The following PALS2 variants were observed in gnomAD, a reference collection of about 807,000 sequenced individuals.
PALS2 encodes protein PALS2.
A neutral mutation model predicts 61.6 loss-of-function variants in PALS2; 27 were observed. The ratio of observed to expected loss-of-function variants is 0.44; its 90% CI spans 0.32 to 0.60. The LOEUF (loss-of-function observed/expected upper bound fraction) is 0.60. PALS2 is among the 20% of genes least tolerant of loss of function. The probability of loss-of-function intolerance (pLI) is 0.05; values close to 1 mark genes in which losing one functional copy is unlikely to be tolerated. For missense variants in PALS2, 554 were observed against 639.4 expected (o/e 0.87, Z 1.44); for synonymous variants, 236 against 218.6 (o/e 1.08, Z -0.70).
chr7:24,624,270 C>A (rs1784643242), intron 2 of PALS2: 2 of 410,422 alleles, frequency 4.9e-6, no homozygotes, highest in South Asian at 3.0e-5. Flanking sequence ...CTCTTTAACT[C>A]ATTGATAAGT....
chr7:24,656,743 G>T (rs1468044360), intron 5 of PALS2, among the ~76,000 whole-genome samples: 1 of 151,876 alleles, frequency 6.6e-6, no homozygotes, highest in Non-Finnish European at 1.5e-5. Flanking sequence ...ACATTGTCTA[G>T]GCTGTCTTGA....
intron 1 of PALS2, among the ~76,000 whole-genome samples, chr7:24,616,749 T>C (rs1249969138): frequency 6.6e-6 from 1 of 152,224 alleles, no homozygotes; most frequent in Non-Finnish European, 1.5e-5. Flanking sequence ...TCTTACATTC[T>C]CTTATTGTTT....
At chr7:24,650,809 AAG>A (rs1786106559) in intron 5 of PALS2, 97 bp downstream of exon 5, 2 of 895,636 alleles carry the variant, frequency 2.2e-6, no homozygotes, top group Admixed American at 3.3e-5. Flanking sequence ...TGCTAAAGAA[AAG>A]AGAAAAAATT....
Position 24,694,189 on chromosome 7 carries a change from T to C in PALS2, c.*6575T>C, listed in dbSNP as rs960353325. ...TTGTATAAATAAAATTTTCCTGTGG[T>C]ACAATTAAGTATTGATTTTTCAGAA... On this transcript the variant is annotated 3_prime_UTR_variant, in exon 12 of 12. Transcript: ENST00000222644. 6.6e-6 allele frequency: 1 copy of C among 152,196 alleles called. No individual in the cohort carries two copies. The highest frequency in any genetic ancestry group is 1.9e-4 in the East Asian group (1 of 5,204). 9.4% of individuals were successfully genotyped at this position (152,196 alleles called of 1,614,324 possible). A position where few individuals can be genotyped will look rare whatever the true frequency, so the allele number is the denominator to read the frequency against.
At chr7:24,679,981 C>A (rs992147784) in intron 10 of PALS2, among the ~76,000 whole-genome samples, 8 of 151,976 alleles carry the variant, frequency 5.3e-5, no homozygotes, top group African/African-American at 1.9e-4. Context: ...CCTTGGAGAT[C>A]TTTTTGTGGT....
Position 24,573,986 on chromosome 7 carries a change from G to C in PALS2, c.-3+393G>C, listed in dbSNP as rs939061341. The C allele has an allele frequency of 1.3e-5, 2 of 152,278 alleles. No individual in the cohort carries two copies. Among genetic ancestry groups the C allele is most frequent in the African/African-American group, 4.8e-5 (2 of 41,454 alleles). 9.4% of individuals were successfully genotyped at this position (152,278 alleles called of 1,614,324 possible). On this transcript the variant is annotated intron_variant, in intron 1 of 11. Coordinates refer to ENST00000222644, the MANE Select transcript of PALS2 (RefSeq NM_001303037.2). This position sits in a 1 kb window ranked among gnomAD's most constrained non-coding sequence, Gnocchi z 5.3. ...GACGCGCGGGGCCCCTTCGGGCGCG[G>C]GGCTTGGGTGCCTACACCTCTGCGG...
intron 11 of PALS2, among the ~76,000 whole-genome samples, chr7:24,684,523 C>T (rs1398683102): frequency 1.3e-5 from 2 of 152,096 alleles, no homozygotes; most frequent in Non-Finnish European, 2.9e-5. Context: ...ATTTCCTGGC[C>T]CAGACCTGGA....
chr7:24,622,459 T>A (rs1204624588), intron 1 of PALS2, among the ~76,000 whole-genome samples: 2 of 151,910 alleles, frequency 1.3e-5, no homozygotes, highest in Non-Finnish European at 2.9e-5. Flanking sequence ...TTAATTTCAT[T>A]TTTGGATTGT....
At chr7:24,615,836 A>G (rs1010701344) in intron 1 of PALS2, among the ~76,000 whole-genome samples, 5 of 152,150 alleles carry the variant, frequency 3.3e-5, no homozygotes, top group Non-Finnish European at 5.9e-5. Flanking sequence ...CAAATCCAAC[A>G]ACACATCAAA....
intron 9 of PALS2, among the ~76,000 whole-genome samples, chr7:24,669,771 C>T (rs925470600): frequency 2.0e-5 from 3 of 152,084 alleles, no homozygotes; most frequent in African/African-American, 7.2e-5. Context: ...ACTTATAATC[C>T]CTTCAGTGTA....
chr7:24,652,552 T>C (rs140068483), intron 5 of PALS2, among the ~76,000 whole-genome samples: 1,815 of 151,924 alleles, frequency 0.012, 47 homozygotes, highest in African/African-American at 0.041. Context: ...AAAGAAACTA[T>C]AACATGAAGG....
intron 8 of PALS2, among the ~76,000 whole-genome samples, chr7:24,667,288 T>C (rs569856479): frequency 6.6e-6 from 1 of 152,330 alleles, no homozygotes; most frequent in South Asian, 2.1e-4. Context: ...TTGGGTTATG[T>C]TTCTAGTGAA....
intron 5 of PALS2, among the ~76,000 whole-genome samples, chr7:24,653,895 C>T (rs1208641150): frequency 1.3e-5 from 2 of 152,242 alleles, no homozygotes; most frequent in Admixed American, 6.5e-5. Context: ...AGCTTGGTGT[C>T]AACAAGCTTA....
chr7:24,577,053 C>T (rs967668738), intron 1 of PALS2, among the ~76,000 whole-genome samples: 1 of 152,054 alleles, frequency 6.6e-6, no homozygotes, highest in Non-Finnish European at 1.5e-5. Context: ...GAGGCTGCTA[C>T]GTTTATAGTA....
chr7:24,579,973 G>A (rs1357244324), intron 1 of PALS2, among the ~76,000 whole-genome samples: 1 of 152,054 alleles, frequency 6.6e-6, no homozygotes, highest in Non-Finnish European at 1.5e-5. Context: ...GGAGATATGT[G>A]GGACTTTTAA....
intron 1 of PALS2, among the ~76,000 whole-genome samples, chr7:24,583,435 C>A (rs553702346): frequency 6.6e-6 from 1 of 151,988 alleles, no homozygotes; most frequent in African/African-American, 2.4e-5. Context: ...TTACTATTCA[C>A]CCAATTAAAA....
In PALS2 at chr7:24,679,130, G is replaced by C. The variant is rs1418900129; in HGVS notation, c.1115-1G>C. 1 of 1,612,814 alleles carries C rather than the reference G, an allele frequency of 6.2e-7. No homozygotes were observed. Among genetic ancestry groups the C allele is most frequent in the Non-Finnish European group, 8.5e-7 (1 of 1,178,946 alleles). ...AAAAATCTCAACACTATTTTATTTA[G>C]TTACTTCACGGAAACCAAGGGAAGA... On this transcript the variant is annotated splice_acceptor_variant, in intron 9 of 11. Coordinates refer to ENST00000222644, the MANE Select transcript of PALS2 (RefSeq NM_001303037.2). LOFTEE classifies it high-confidence loss of function.
chr7:24,621,429 A>C (rs1784512532), intron 1 of PALS2, among the ~76,000 whole-genome samples: 2 of 152,130 alleles, frequency 1.3e-5, no homozygotes, highest in African/African-American at 4.8e-5. Flanking sequence ...TTTGGAAAAA[A>C]CTTAAGAGTT....
At chr7:24,574,628 G>A (rs766398590) in intron 1 of PALS2, among the ~76,000 whole-genome samples, 1 of 152,080 alleles carries the variant, frequency 6.6e-6, no homozygotes, top group African/African-American at 2.4e-5. Context: ...GGCTAGCCAC[G>A]TTTTATTCTT....
Sources: gnomAD v4.1 joint callset for allele counts (sites outside exome capture counted in the v4.1 genomes callset) on GRCh38, gnomAD v4.1.1 for gene constraint, Gnocchi (gnomAD v3.1) non-coding constraint, MANE v1.5 for transcripts, NCBI Gene and HGNC (gene_info 2026-07-23, HGNC 2026-07-21) for gene names.